Variants in ZNF385D observed in about 807,000 individuals in gnomAD.
ZNF385D encodes the protein zinc finger protein 659.
ZNF385D carries 15 observed loss-of-function variants against 35.8 expected under a neutral mutation model. That is an observed-to-expected ratio of 0.42 (90% CI 0.28 to 0.64). The LOEUF is 0.64. Among genes scored for constraint, ZNF385D ranks in the 30% least tolerant of loss-of-function variants. The pLI, the probability that ZNF385D is intolerant of heterozygous loss-of-function variation, is 0.23. For synonymous variants in ZNF385D, 212 were observed against 186.8 expected (o/e 1.13, Z -1.10); for missense variants, 474 against 494.6 (o/e 0.96, Z 0.39).
At chr3:22,165,153 G>C (rs535392358) in intron 3 of ZNF385D, among the ~76,000 whole-genome samples, 2 of 152,274 alleles carry the variant, frequency 1.3e-5, no homozygotes, top group Admixed American at 6.5e-5. Flanking sequence ...GTAAACTATA[G>C]ACTTTGGGTG....
At chr3:22,277,355 A>G (rs1701481820) in intron 2 of ZNF385D, among the ~76,000 whole-genome samples, 1 of 152,108 alleles carries the variant, frequency 6.6e-6, no homozygotes, top group Admixed American at 6.6e-5. Context: ...GTACTGGTGA[A>G]GGAATGCTTT....
Position 22,319,431 on chromosome 3 carries a change from G to A in ZNF385D, c.106+53019C>T, listed in dbSNP as rs543958382. 3.2e-3 allele frequency among the ~76,000 whole-genome samples: 480 copies of A among 151,756 alleles called. 2 individuals are homozygous for A. Among genetic ancestry groups the A allele is most frequent in the African/African-American group, 0.011 (455 of 41,420 alleles). The stretch of plus-strand genomic sequence containing the variant: ...AGTTTTTATATAATTATAAAATGTG[G>A]GACACAATTAATATACTTTTTTTAA... On this transcript the variant is annotated intron_variant, in intron 2 of 5. Coordinates refer to the ZNF385D transcript ENST00000494108.
intron 3 of ZNF385D, among the ~76,000 whole-genome samples, chr3:21,823,290 A>G (rs1694391696): frequency 6.6e-6 from 1 of 152,324 alleles, no homozygotes; most frequent in South Asian, 2.1e-4. Flanking sequence ...CATCTTGGAC[A>G]ATTTTAGGTT....
At chr3:21,795,867 G>C (rs1019954947) in intron 3 of ZNF385D, among the ~76,000 whole-genome samples, 8 of 152,190 alleles carry the variant, frequency 5.3e-5, no homozygotes, top group African/African-American at 1.9e-4. Context: ...CAGAAAATAT[G>C]ATTTTTAACA....
At chr3:22,261,581 A>G (rs9882374) in intron 2 of ZNF385D, among the ~76,000 whole-genome samples, 3,081 of 151,998 alleles carry the variant, frequency 0.02, 96 homozygotes, top group African/African-American at 0.069. Context: ...CTGGAAACCT[A>G]GCCTTATGGT....
At chr3:22,153,490 G>A (rs549719908) in intron 3 of ZNF385D, among the ~76,000 whole-genome samples, 2 of 134,458 alleles carry the variant, frequency 1.5e-5, no homozygotes, top group African/African-American at 2.8e-5. Context: ...TTTTGAGACA[G>A]AGTCTCTCTG....
At chr3:22,239,128 A>G (rs575258347) in intron 2 of ZNF385D, among the ~76,000 whole-genome samples, 5 of 151,146 alleles carry the variant, frequency 3.3e-5, no homozygotes, top group Non-Finnish European at 7.4e-5. Context: ...ACAAAAATAT[A>G]TGATAACACG....
At position 21,626,774 on chromosome 3, in the gene ZNF385D, T is replaced by C. The variant is rs567228735; in HGVS notation, c.165+38112A>G. ...AAAATGCTAGAAAACCTAAGATTAA[T>C]ATTTGAAGGCAGAATAGGGAAAGAG... is the stretch of plus-strand genomic sequence containing the variant. On this transcript the variant is annotated intron_variant, in intron 2 of 7. Transcript: ENST00000281523. Among the ~76,000 whole-genome samples the C allele has an allele frequency of 9.9e-5, 15 of 152,096 alleles. No homozygotes were observed. In the South Asian group the frequency reaches 2.1e-3, roughly 21 times the overall value.
At chr3:21,531,301 T>A (rs2061916228) in intron 3 of ZNF385D, among the ~76,000 whole-genome samples, 2 of 152,198 alleles carry the variant, frequency 1.3e-5, no homozygotes, top group African/African-American at 4.8e-5. Flanking sequence ...TCATTCATTG[T>A]TGGTAGAAAT....
chr3:21,545,813 A>G (rs2062352174), intron 3 of ZNF385D, among the ~76,000 whole-genome samples: 1 of 152,110 alleles, frequency 6.6e-6, no homozygotes, highest in Admixed American at 6.5e-5. Flanking sequence ...AAAGAGTGTC[A>G]CTTTCTAACA....
chr3:21,653,849 G>T (rs951468029), intron 2 of ZNF385D, among the ~76,000 whole-genome samples: 1 of 152,012 alleles, frequency 6.6e-6, no homozygotes, highest in African/African-American at 2.4e-5. Context: ...ATGTTAGAAA[G>T]TGGCAGAAAA....
intron 1 of ZNF385D, among the ~76,000 whole-genome samples, chr3:21,719,221 C>T (rs1435167323): frequency 6.6e-6 from 1 of 152,220 alleles, no homozygotes; most frequent in Non-Finnish European, 1.5e-5. Context: ...CCACCCCACA[C>T]CTCCTCAATC....
At chr3:22,299,995 G>C (rs1026473205) in intron 2 of ZNF385D, among the ~76,000 whole-genome samples, 1 of 151,810 alleles carries the variant, frequency 6.6e-6, no homozygotes, top group Non-Finnish European at 1.5e-5. Context: ...ACCCCAAAGA[G>C]CCAAAGCAAT....
intron 3 of ZNF385D, among the ~76,000 whole-genome samples, chr3:21,765,363 C>T (rs1035521481): frequency 6.6e-6 from 1 of 152,052 alleles, no homozygotes; most frequent in Non-Finnish European, 1.5e-5. Context: ...AAGCCATTCT[C>T]CTCTCTGGGG....
At chr3:21,904,049 A>C (rs1699547588) in intron 3 of ZNF385D, among the ~76,000 whole-genome samples, 1 of 152,140 alleles carries the variant, frequency 6.6e-6, no homozygotes, top group African/African-American at 2.4e-5. Context: ...TCACGCCTGT[A>C]ATCCCAGTAC....
intron 3 of ZNF385D, among the ~76,000 whole-genome samples, chr3:22,089,026 C>A (rs79087205): frequency 0.12 from 18,300 of 152,016 alleles, 1,156 homozygotes; most frequent in East Asian, 0.14. Flanking sequence ...TTTTCCCTTA[C>A]CCAGGAGGTA....
In ZNF385D at chr3:22,331,320, A is replaced by G. The variant is rs1041523265; in HGVS notation, c.106+41130T>C. 5.3e-5 allele frequency among the ~76,000 whole-genome samples: 8 copies of G among 152,332 alleles called. No homozygotes were observed. In the East Asian group the frequency reaches 1.3e-3, roughly 26 times the overall value. On this transcript the variant is annotated intron_variant, in intron 2 of 5. Transcript: ENST00000494108. The stretch of plus-strand genomic sequence containing the variant: ...AAAATTTAGAATACAAGAAGTATCT[A>G]TCACTTAAAACTTAAAAACATCTTT...
chr3:22,209,081 G>C (rs895042891), intron 2 of ZNF385D, among the ~76,000 whole-genome samples: 6 of 151,832 alleles, frequency 4.0e-5, no homozygotes, highest in African/African-American at 1.2e-4. Flanking sequence ...CAGAACTGCA[G>C]GCCATAAAGG....
intron 3 of ZNF385D, among the ~76,000 whole-genome samples, chr3:22,099,839 T>C (rs1459570539): frequency 1.3e-5 from 2 of 151,976 alleles, no homozygotes; most frequent in Non-Finnish European, 2.9e-5. Flanking sequence ...ACTGTAAGAA[T>C]GAACAGATTG....
Sources: gnomAD v4.1 joint callset for allele counts (sites outside exome capture counted in the v4.1 genomes callset) on GRCh38, gnomAD v4.1.1 for gene constraint, MANE v1.5 for transcripts, NCBI Gene and HGNC (gene_info 2026-07-23, HGNC 2026-07-21) for gene names.